Variants in ADGRL2 observed in about 807,000 individuals in gnomAD.
ADGRL2 encodes calcium-independent alpha-latrotoxin receptor 2.
A neutral mutation model predicts 157.4 loss-of-function variants in ADGRL2; 44 were observed. The observed-to-expected ratio is 0.28, with a 90% CI of 0.22 to 0.36. The LOEUF (loss-of-function observed/expected upper bound fraction) is 0.36, where lower values mean the gene tolerates loss of function less well. ADGRL2 is among the 10% of genes least tolerant of loss of function. The pLI, the probability that ADGRL2 is intolerant of heterozygous loss-of-function variation, is 1.00. For synonymous variants in ADGRL2, 585 were observed against 624.7 expected (o/e 0.94, Z 0.95); for missense variants, 1,510 against 1,768.9 (o/e 0.85, Z 2.63).
upstream of ADGRL2, among the ~76,000 whole-genome samples, chr1:81,698,750 A>G (rs2083496882): frequency 6.6e-6 from 1 of 152,190 alleles, no homozygotes; most frequent in South Asian, 2.1e-4. Flanking sequence ...TATATTTTTT[A>G]TACTTTGTTT....
rs554716280 is a variant in ADGRL2 at position 81,729,275 on chromosome 1, T to C, written c.-143+29467T>C. Among the ~76,000 whole-genome samples, 9 of 152,200 alleles carry C rather than the reference T, an allele frequency of 5.9e-5. No homozygotes were observed. In the South Asian group the frequency reaches 1.9e-3, roughly 32 times the overall value. On this transcript the variant is annotated intron_variant, in intron 1 of 20. Transcript: ENST00000359929. Reference sequence around the variant, plus strand: ...TTCAACTTAAGTGTTTTGCCATTTGTCCCTGTCAGAGATCTTTGATTCCAC... The same window carrying C: ...TTCAACTTAAGTGTTTTGCCATTTGCCCCTGTCAGAGATCTTTGATTCCAC...
chr1:81,905,179 C>A (rs2094561466), intron 2 of ADGRL2, among the ~76,000 whole-genome samples: 1 of 151,456 alleles, frequency 6.6e-6, no homozygotes, highest in Non-Finnish European at 1.5e-5. Flanking sequence ...CTCACTGCAA[C>A]CCCCGCCTCC....
chr1:81,503,856 C>T (rs1285296226), intron 2 of ADGRL2, among the ~76,000 whole-genome samples: 3 of 152,200 alleles, frequency 2.0e-5, no homozygotes, highest in Non-Finnish European at 4.4e-5. Flanking sequence ...CTGCCCCTGC[C>T]TTCTGCCATG....
At chr1:81,972,471 G>C (rs781323619) in intron 17 of ADGRL2, among the ~76,000 whole-genome samples, 27 of 152,080 alleles carry the variant, frequency 1.8e-4, no homozygotes, top group Non-Finnish European at 3.2e-4. Flanking sequence ...ACTAGTTTAA[G>C]AAATGCTATT....
At chr1:81,419,797 T>C (rs115670482) in intron 1 of ADGRL2, among the ~76,000 whole-genome samples, 16 of 152,316 alleles carry the variant, frequency 1.1e-4, no homozygotes, top group Non-Finnish European at 2.1e-4. Flanking sequence ...GAGACCCACA[T>C]AGTGGTTTTA....
chr1:81,680,604 CCTT>C (rs1266090576), intron 3 of ADGRL2, among the ~76,000 whole-genome samples: 1 of 151,888 alleles, frequency 6.6e-6, no homozygotes, highest in African/African-American at 2.4e-5. Flanking sequence ...TGAAAGGCAG[CCTT>C]CTTCTACTTG....
In ADGRL2 at chr1:81,714,803, G is replaced by A. The variant is rs182722698; in HGVS notation, c.-143+14995G>A. On this transcript the variant is annotated intron_variant, in intron 1 of 20. Coordinates refer to the ADGRL2 transcript ENST00000359929. ...CTTGAGACAGTTTTATATAATTGTG[G>A]CAGGTAGTCACTCCACATTGATTCA... 3.6e-4 allele frequency among the ~76,000 whole-genome samples: 54 copies of A among 151,606 alleles called. 1 individual carries two copies. The highest frequency in any genetic ancestry group is 1.3e-3 in the African/African-American group (52 of 41,382).
At chr1:81,940,348 T>C (rs2148912301) in intron 4 of ADGRL2, among the ~76,000 whole-genome samples, 1 of 151,750 alleles carries the variant, frequency 6.6e-6, no homozygotes. Context: ...CTTCCGTTAT[T>C]GATTCTAAGC....
At chr1:81,567,438 C>T (rs6700463) in intron 2 of ADGRL2, among the ~76,000 whole-genome samples, 11,549 of 152,040 alleles carry the variant, frequency 0.076, 802 homozygotes, top group East Asian at 0.32. Context: ...TATGTCTGAT[C>T]TATATCATGA....
At chr1:81,556,873 T>C (rs945751735) in intron 2 of ADGRL2, among the ~76,000 whole-genome samples, 2 of 151,688 alleles carry the variant, frequency 1.3e-5, no homozygotes, top group African/African-American at 2.4e-5. Flanking sequence ...GTCAGGAGTT[T>C]GAGACCAGCC....
chr1:81,861,565 A>G (rs1557793997), intron 2 of ADGRL2, among the ~76,000 whole-genome samples: 1 of 152,308 alleles, frequency 6.6e-6, no homozygotes, highest in East Asian at 1.9e-4. Context: ...ATTATAAACT[A>G]TCTTTTAACA....
At chr1:81,986,212 T>C (rs1663102461) in intron 21 of ADGRL2, among the ~76,000 whole-genome samples, 1 of 152,132 alleles carries the variant, frequency 6.6e-6, no homozygotes, top group Non-Finnish European at 1.5e-5. Flanking sequence ...GTTGCTTTGG[T>C]ATTTTACTTC....
chr1:81,727,975 C>T (rs1380650690), intron 1 of ADGRL2, among the ~76,000 whole-genome samples: 1 of 152,090 alleles, frequency 6.6e-6, no homozygotes, highest in African/African-American at 2.4e-5. Context: ...CAATGTTTAA[C>T]ACCTAGAGTA....
At chr1:81,557,886 C>T (rs1049142235) in intron 2 of ADGRL2, 1 of 152,288 alleles carries the variant, frequency 6.6e-6, no homozygotes, top group Non-Finnish European at 1.5e-5. Flanking sequence ...TGTATAATCT[C>T]TGAATATTTG....
intron 3 of ADGRL2, among the ~76,000 whole-genome samples, chr1:81,924,610 T>G (rs2095062328): frequency 6.6e-6 from 1 of 152,094 alleles, no homozygotes; most frequent in Non-Finnish European, 1.5e-5. Flanking sequence ...CTTAGTATAT[T>G]GCACCTATAT....
rs1570301287 is a variant in ADGRL2, at chr1:81,502,318, T to A, written c.-248+57229T>A. The stretch of plus-strand genomic sequence containing the variant: ...CAGGACAGCTGAACTGGAATCTGGA[T>A]GAGCAGCTCAAGCAGAATGGTGGTT... On this transcript the variant is annotated intron_variant, in intron 2 of 24. Coordinates refer to the ADGRL2 transcript ENST00000370721. 1.9e-6 allele frequency: 3 copies of A among 1,613,960 alleles called. No individual in the cohort carries two copies. The African/African-American group carries it at 4.0e-5, about 22-fold the overall frequency.
intron 1 of ADGRL2, among the ~76,000 whole-genome samples, chr1:81,397,898 G>T (rs2076685558): frequency 6.6e-6 from 1 of 152,134 alleles, no homozygotes; most frequent in African/African-American, 2.4e-5. Context: ...AATCTGTCCA[G>T]TGCTGAAAGT....
chr1:81,577,556 G>A (rs1428171352), intron 2 of ADGRL2, among the ~76,000 whole-genome samples: 1 of 152,146 alleles, frequency 6.6e-6, no homozygotes, highest in Non-Finnish European at 1.5e-5. Flanking sequence ...TGATGCCTCT[G>A]GCTTGTCCTA....
intron 2 of ADGRL2, among the ~76,000 whole-genome samples, chr1:81,893,810 C>T (rs2094323126): frequency 6.6e-6 from 1 of 152,160 alleles, no homozygotes; most frequent in Non-Finnish European, 1.5e-5. Context: ...AAACTCCCTG[C>T]TTTCCCCTTT....
Sources: gnomAD v4.1 joint callset for allele counts (sites outside exome capture counted in the v4.1 genomes callset) on GRCh38, gnomAD v4.1.1 for gene constraint, MANE v1.5 for transcripts, NCBI Gene and HGNC (gene_info 2026-07-23, HGNC 2026-07-21) for gene names.